Variants in VPS41 observed in about 807,000 individuals in gnomAD.
VPS41 encodes vacuolar protein sorting-associated protein 41 homolog.
In VPS41, 85 loss-of-function variants were observed where a neutral mutation model predicts 130.9. The observed-to-expected ratio is 0.65, with a 90% CI of 0.55 to 0.78. The LOEUF is 0.78. Ranked by LOEUF, VPS41 falls within the 30% of genes least tolerant of loss-of-function variation. VPS41 has a pLI of 0.00. For synonymous variants in VPS41, 335 were observed against 332.9 expected (o/e 1.01, Z -0.07); for missense variants, 874 against 1,018.7 (o/e 0.86, Z 1.93).
intron 10 of VPS41, among the ~76,000 whole-genome samples, chr7:38,779,943 C>T (rs1256275657): frequency 6.6e-6 from 1 of 152,102 alleles, no homozygotes; most frequent in East Asian, 1.9e-4. Flanking sequence ...TTTACTTTCA[C>T]TAAAATTCTA....
intron 7 of VPS41, among the ~76,000 whole-genome samples, chr7:38,806,661 T>C (rs1179318933): frequency 1.3e-5 from 2 of 152,226 alleles, no homozygotes; most frequent in African/African-American, 4.8e-5. Context: ...ATATTGTTAA[T>C]AATTTGGTGT....
At chr7:38,872,723 C>A (rs1047210787) in intron 2 of VPS41, among the ~76,000 whole-genome samples, 1 of 151,836 alleles carries the variant, frequency 6.6e-6, no homozygotes, top group Non-Finnish European at 1.5e-5. Flanking sequence ...CTGTTTTTAA[C>A]AGAAAATATA....
chr7:38,881,517 T>C (rs1180184128), intron 2 of VPS41, among the ~76,000 whole-genome samples: 1 of 152,160 alleles, frequency 6.6e-6, no homozygotes, highest in Non-Finnish European at 1.5e-5. Context: ...ATTCTGCCTG[T>C]TACAGAGAAT....
intron 1 of VPS41, among the ~76,000 whole-genome samples, chr7:38,907,760 T>C (rs958339241): frequency 6.6e-6 from 1 of 152,230 alleles, no homozygotes; most frequent in Non-Finnish European, 1.5e-5. Flanking sequence ...TCTCCATTTC[T>C]ATTCCACTAT....
chr7:38,844,148 C>T (rs547833616), intron 4 of VPS41, among the ~76,000 whole-genome samples: 1 of 152,296 alleles, frequency 6.6e-6, no homozygotes, highest in African/African-American at 2.4e-5. Context: ...GACTGTTATA[C>T]TCCTAATACA....
chr7:38,795,333 G>T, intron 9 of VPS41, 132 bp downstream of exon 9: 1 of 602,862 alleles, frequency 1.7e-6, no homozygotes, highest in Non-Finnish European at 2.7e-6. Flanking sequence ...AGCATTAAAT[G>T]GTAATCACGT....
intron 4 of VPS41, among the ~76,000 whole-genome samples, chr7:38,848,636 T>C (rs373075977): frequency 5.9e-5 from 9 of 152,264 alleles, no homozygotes; most frequent in East Asian, 3.9e-4. Flanking sequence ...AAAACCATCA[T>C]TGAAATCAGG....
At chr7:38,738,444 G>A (rs1472441517) in intron 25 of VPS41, among the ~76,000 whole-genome samples, 2 of 152,130 alleles carry the variant, frequency 1.3e-5, no homozygotes, top group African/African-American at 4.8e-5. Context: ...TTAAATGTTT[G>A]TCAAATAAAA....
intron 22 of VPS41, 24 bp downstream of exon 22, chr7:38,752,152 C>T (rs369770580): frequency 6.2e-7 from 1 of 1,612,962 alleles, no homozygotes; most frequent in South Asian, 1.1e-5. Flanking sequence ...CCAAAGTGTA[C>T]AAGTCGGGGA....
chr7:38,788,057 G>A (rs1784471144), intron 10 of VPS41, among the ~76,000 whole-genome samples: 2 of 152,178 alleles, frequency 1.3e-5, no homozygotes, highest in African/African-American at 4.8e-5. Flanking sequence ...ATGAAAGTCT[G>A]CATAGTGATA....
At chr7:38,801,140 C>T (rs1268752105) in intron 7 of VPS41, among the ~76,000 whole-genome samples, 1 of 152,156 alleles carries the variant, frequency 6.6e-6, no homozygotes, top group African/African-American at 2.4e-5. Context: ...TAAAAACTTC[C>T]AGCAGAGGGG....
In VPS41 at chr7:38,726,467, G is replaced by T. The variant is rs190239405; in HGVS notation, c.2485-141C>A. 3,192 of 657,672 alleles carry T rather than the reference G, an allele frequency of 4.9e-3. 18 individuals carry two copies. Among genetic ancestry groups the T allele is most frequent in the Admixed American group, 8.9e-3 (339 of 38,094 alleles). The allele number at this position is 657,672 out of a possible 1,614,324, so 40.7% of individuals were successfully genotyped here. A position where few individuals can be genotyped will look rare whatever the true frequency, so the allele number is the denominator to read the frequency against. On this transcript the variant is annotated intron_variant, in intron 28 of 28. Coordinates refer to ENST00000310301, the MANE Select transcript of VPS41 (RefSeq NM_014396.4). Reference sequence around the variant, plus strand: ...ACTCCTTTCTCTGGAGTTTATTTCTGGTTAACATAGGATTTAGTCTAGATC... The same window carrying T: ...ACTCCTTTCTCTGGAGTTTATTTCTTGTTAACATAGGATTTAGTCTAGATC...
At chr7:38,882,817 C>T (rs1786641822) in intron 2 of VPS41, among the ~76,000 whole-genome samples, 1 of 152,166 alleles carries the variant, frequency 6.6e-6, no homozygotes, top group African/African-American at 2.4e-5. Flanking sequence ...GCCTCTAGCC[C>T]AGAGTTTTAA....
At chr7:38,889,783 CAG>C (rs1390936243) in intron 2 of VPS41, among the ~76,000 whole-genome samples, 2 of 151,956 alleles carry the variant, frequency 1.3e-5, no homozygotes, top group African/African-American at 4.8e-5. Context: ...TGAGTGAAAA[CAG>C]GGGTAAATAT....
chr7:38,798,114 C>T (rs910585643), intron 7 of VPS41, among the ~76,000 whole-genome samples: 2 of 152,066 alleles, frequency 1.3e-5, no homozygotes, highest in African/African-American at 4.8e-5. Context: ...GCCTTCCTAC[C>T]CCCACAGTTA....
At chr7:38,791,999 C>G (rs905049976) in intron 9 of VPS41, among the ~76,000 whole-genome samples, 1 of 152,132 alleles carries the variant, frequency 6.6e-6, no homozygotes, top group African/African-American at 2.4e-5. Context: ...GATGAGGACA[C>G]TGAGGCTCTG....
chr7:38,740,694 T>C (rs1367292868), intron 25 of VPS41, among the ~76,000 whole-genome samples: 1 of 152,188 alleles, frequency 6.6e-6, no homozygotes, highest in Non-Finnish European at 1.5e-5. Flanking sequence ...GAAGGCTGCA[T>C]GATCTCTCAC....
chr7:38,772,662 G>A lies in VPS41; in HGVS notation c.1013-25C>T, dbSNP rs533909506. 268 of 1,518,188 alleles carry A rather than the reference G, an allele frequency of 1.8e-4. 1 individual carries two copies. In the South Asian group the frequency reaches 2.9e-3, roughly 16 times the overall value. The allele number at this position is 1,518,188 out of a possible 1,614,324, so 94.0% of individuals were successfully genotyped here. A position where few individuals can be genotyped will look rare whatever the true frequency, so the allele number is the denominator to read the frequency against. On this transcript the variant is annotated intron_variant, in intron 12 of 28. Transcript: ENST00000310301. ...TCTGTAGGTGAGAAAAGAGAGGAACGACTTGGTGACTGAACAGCAGAAAAC... is the reference window on the plus strand; with the variant it reads ...TCTGTAGGTGAGAAAAGAGAGGAACAACTTGGTGACTGAACAGCAGAAAAC...
chr7:38,833,090 G>C (rs891517817), intron 4 of VPS41, among the ~76,000 whole-genome samples: 1 of 152,030 alleles, frequency 6.6e-6, no homozygotes, highest in African/African-American at 2.4e-5. Context: ...TTTGATTCCT[G>C]TCTTTATGTC....
Sources: gnomAD v4.1 joint callset for allele counts (sites outside exome capture counted in the v4.1 genomes callset) on GRCh38, gnomAD v4.1.1 for gene constraint, MANE v1.5 for transcripts, NCBI Gene and HGNC (gene_info 2026-07-23, HGNC 2026-07-21) for gene names.